The following RCL1 variants were observed in gnomAD, a reference collection of about 807,000 sequenced individuals.
The protein encoded by RCL1 is RNA 3'-terminal phosphate cyclase-like protein.
RCL1 carries 24 observed loss-of-function variants against 42.4 expected under a neutral mutation model. The observed-to-expected ratio is 0.57, with a 90% CI of 0.41 to 0.80. The LOEUF is 0.80. Ranked by LOEUF, RCL1 falls within the 30% of genes least tolerant of loss-of-function variation. RCL1 has a pLI of 0.00. For synonymous variants in RCL1, 228 were observed against 177.3 expected (o/e 1.29, Z -2.27); for missense variants, 578 against 467.9 (o/e 1.24, Z -2.17).
intron 3 of RCL1, among the ~76,000 whole-genome samples, chr9:4,827,737 TG>T (rs1816808943): frequency 8.7e-6 from 1 of 114,724 alleles, no homozygotes; most frequent in African/African-American, 3.1e-5. Flanking sequence ...ATGAAGTGTG[TG>T]TGTGTGTGTG....
At chr9:4,837,927 C>T (rs576620444) in intron 5 of RCL1, among the ~76,000 whole-genome samples, 9 of 152,310 alleles carry the variant, frequency 5.9e-5, no homozygotes, top group African/African-American at 2.2e-4. Flanking sequence ...GGAGAGTTGA[C>T]ACAGTGCCCT....
Position 4,846,549 on chromosome 9 carries a change from T to A in RCL1, c.867+1868T>A, listed in dbSNP as rs766536099. Among the ~76,000 whole-genome samples the A allele has an allele frequency of 8.1e-4, 119 of 146,100 alleles. 1 individual carries two copies. Among genetic ancestry groups the A allele is most frequent in the Non-Finnish European group, 1.5e-3 (99 of 66,686 alleles). On this transcript the variant is annotated intron_variant, in intron 7 of 8. Coordinates refer to ENST00000381750, the MANE Select transcript of RCL1 (RefSeq NM_005772.5). ...CTGCCAGTTACTTAATTCACGAAGT[T>A]TGTGGTCTACTTATTTGTAGGGGGG... is the stretch of plus-strand genomic sequence containing the variant.
intron 3 of RCL1, chr9:4,827,385 G>A: frequency 2.7e-6 from 2 of 728,574 alleles, no homozygotes; most frequent in South Asian, 4.3e-5. Context: ...AGGCTGGAGG[G>A]CAGCTGACCA....
intron 1 of RCL1, among the ~76,000 whole-genome samples, chr9:4,800,371 T>A (rs1292415826): frequency 1.3e-5 from 2 of 151,468 alleles, no homozygotes; most frequent in Non-Finnish European, 2.9e-5. Flanking sequence ...CCCACCACCA[T>A]GCCCAGATAA....
intron 6 of RCL1, among the ~76,000 whole-genome samples, chr9:4,842,354 G>T (rs1257009894): frequency 1.3e-5 from 2 of 152,182 alleles, no homozygotes; most frequent in Non-Finnish European, 2.9e-5. Flanking sequence ...GAGAGTAAAG[G>T]AGGGGGGTGA....
At chr9:4,817,990 G>A (rs920457918) in intron 1 of RCL1, among the ~76,000 whole-genome samples, 27 of 129,126 alleles carry the variant, frequency 2.1e-4, no homozygotes, top group African/African-American at 5.7e-4. Context: ...GTGCAATCTC[G>A]TCTCACTGCA....
At chr9:4,826,814 A>G in intron 2 of RCL1, 44 bp from the exon 3 acceptor site, 1 of 1,526,884 alleles carries the variant, frequency 6.5e-7, no homozygotes, top group Non-Finnish European at 8.9e-7. Flanking sequence ...GTGACATTTT[A>G]GTTTTTTTCC....
intron 2 of RCL1, among the ~76,000 whole-genome samples, chr9:4,825,857 G>C (rs1383006595): frequency 6.6e-6 from 1 of 151,902 alleles, no homozygotes; most frequent in African/African-American, 2.4e-5. Flanking sequence ...GTTCATGTCT[G>C]TAATCCCAGC....
rs1360841953 is a variant in RCL1 at position 4,844,698 on chromosome 9, C to T, written c.867+17C>T. 2 of 1,605,834 alleles carry T rather than the reference C, an allele frequency of 1.2e-6. No homozygotes were observed. The highest frequency in any genetic ancestry group is 8.5e-7 in the Non-Finnish European group (1 of 1,176,618). On this transcript the variant is annotated intron_variant, in intron 7 of 8. Transcript: ENST00000381750. ...ATCTACAGGGTATGTCCACAGCTTC[C>T]TCTGATAGAGGAGTGACCAGGAAGC... is the stretch of plus-strand genomic sequence containing the variant.
At chr9:4,816,959 G>A (rs943670874) in intron 1 of RCL1, among the ~76,000 whole-genome samples, 3 of 152,192 alleles carry the variant, frequency 2.0e-5, no homozygotes, top group African/African-American at 7.2e-5. Context: ...TGGGACTACA[G>A]GCACTTGCCA....
chr9:4,858,407 A>T (rs1818037490), intron 8 of RCL1, among the ~76,000 whole-genome samples: 1 of 152,150 alleles, frequency 6.6e-6, no homozygotes. Flanking sequence ...TTGGTGTTGT[A>T]TTTAAGAAAT....
rs1353303579 is a variant in RCL1 at position 4,841,375 on chromosome 9, T to G, written c.710+18T>G. The G allele has an allele frequency of 6.2e-7, 1 of 1,601,612 alleles. No homozygotes were observed. Among genetic ancestry groups the G allele is most frequent in the African/African-American group, 1.3e-5 (1 of 74,810 alleles). ...TCTGGGAAGTAAGTATCTGTGTTTT[T>G]GAAGTCTGTTTCTGCAGCTTTTTCA... On this transcript the variant is annotated intron_variant, in intron 6 of 8. Coordinates refer to ENST00000381750, the MANE Select transcript of RCL1 (RefSeq NM_005772.5).
At chr9:4,827,179 C>A in intron 3 of RCL1, 146 bp downstream of exon 3, 2 of 1,549,904 alleles carry the variant, frequency 1.3e-6, no homozygotes, top group Non-Finnish European at 1.7e-6. Context: ...AGAGGTTAAT[C>A]ACTCCAGGAG....
At chr9:4,845,487 A>C (rs918441259) in intron 7 of RCL1, among the ~76,000 whole-genome samples, 2 of 152,236 alleles carry the variant, frequency 1.3e-5, no homozygotes, top group Non-Finnish European at 2.9e-5. Context: ...AAAATAGGTG[A>C]GGTGACCTAA....
chr9:4,830,460 T>G (rs1816908415), intron 3 of RCL1, among the ~76,000 whole-genome samples: 2 of 152,106 alleles, frequency 1.3e-5, no homozygotes, highest in Admixed American at 1.3e-4. Context: ...GAAGAAGACA[T>G]TTTTTCCTTA....
chr9:4,826,499 C>G lies in RCL1; in HGVS notation c.209-359C>G, dbSNP rs1049447399. Among the ~76,000 whole-genome samples the G allele has an allele frequency of 5.3e-5, 8 of 152,262 alleles. No individual in the cohort carries two copies. In the South Asian group the frequency reaches 1.7e-3, roughly 32 times the overall value. On this transcript the variant is annotated intron_variant, in intron 2 of 8. Coordinates refer to ENST00000381750, the MANE Select transcript of RCL1 (RefSeq NM_005772.5). ...GGTTGCTGGTGTGATGATTTAAGCA[C>G]ATCATTTGTAATTCCCCTCTGTGGT...
intron 1 of RCL1, among the ~76,000 whole-genome samples, chr9:4,807,902 G>C (rs560295331): frequency 1.3e-5 from 2 of 151,866 alleles, no homozygotes; most frequent in Non-Finnish European, 2.9e-5. Flanking sequence ...ATTCCATTAC[G>C]GTCAGAAAAC....
At chr9:4,847,438 T>C (rs1414543289) in intron 7 of RCL1, among the ~76,000 whole-genome samples, 1 of 152,192 alleles carries the variant, frequency 6.6e-6, no homozygotes, top group Non-Finnish European at 1.5e-5. Context: ...TAATCCCCCC[T>C]GTTCCATTTA....
chr9:4,820,374 G>A (rs906798202), intron 1 of RCL1, among the ~76,000 whole-genome samples: 1 of 152,078 alleles, frequency 6.6e-6, no homozygotes, highest in Non-Finnish European at 1.5e-5. Context: ...CTGTTGCCAG[G>A]GCTCCGGAAC....
Sources: allele counts gnomAD v4.1 joint callset (sites outside exome capture counted in the v4.1 genomes callset), GRCh38; gene constraint gnomAD v4.1.1; transcripts MANE v1.5; gene names NCBI Gene and HGNC (gene_info 2026-07-23, HGNC 2026-07-21).